CD200R1: variants seen among roughly 807,000 people sequenced by gnomAD.
The protein encoded by CD200R1 is cell surface glycoprotein CD200 receptor 1.
CD200R1 carries 30 observed loss-of-function variants against 38.1 expected under a neutral mutation model. The ratio of observed to expected loss-of-function variants is 0.79; its 90% CI spans 0.59 to 1.07. The LOEUF is 1.07. Among genes scored for constraint, CD200R1 ranks in the 50% least tolerant of loss-of-function variants. The pLI, the probability that CD200R1 is intolerant of heterozygous loss-of-function variation, is 0.00. For synonymous variants in CD200R1, 128 were observed against 152.1 expected, an observed-to-expected ratio of 0.84 and a Z score of 1.16; for missense variants, 372 against 415.4, an observed-to-expected ratio of 0.90 and a Z score of 0.91.
At chr3:112,974,767 C>T (rs1282931287) in intron 1 of CD200R1, 24 bp downstream of exon 1, 45 of 1,518,084 alleles carry the variant, frequency 3.0e-5, no homozygotes, top group Non-Finnish European at 3.9e-5. Context: ...TCTCACTGTT[C>T]TCCCAAAGAG....
chr3:112,970,068 C>A (rs1933264522), intron 1 of CD200R1, among the ~76,000 whole-genome samples: 1 of 151,958 alleles, frequency 6.6e-6, no homozygotes, highest in Non-Finnish European at 1.5e-5. Context: ...GTCCCAGCTA[C>A]TTGGGAGTCT....
intron 2 of CD200R1, among the ~76,000 whole-genome samples, chr3:112,945,901 G>A (rs1940840531): frequency 6.6e-6 from 1 of 151,916 alleles, no homozygotes; most frequent in South Asian, 2.1e-4. Context: ...GGTAGCTGGC[G>A]CCTGTAGTCC....
chr3:112,931,595 T>A (rs896431728), intron 2 of CD200R1, among the ~76,000 whole-genome samples: 1 of 152,180 alleles, frequency 6.6e-6, no homozygotes, highest in Non-Finnish European at 1.5e-5. Flanking sequence ...AATACAGCAG[T>A]GCCCTTTCTC....
intron 3 of CD200R1, 127 bp downstream of exon 3, chr3:112,930,979 G>A: frequency 1.5e-6 from 1 of 675,182 alleles, no homozygotes; most frequent in Non-Finnish European, 2.7e-6. Flanking sequence ...TCATACCACA[G>A]TACTCAGATC....
chr3:112,963,994 G>A (rs754345814), intron 1 of CD200R1, among the ~76,000 whole-genome samples: 1 of 152,206 alleles, frequency 6.6e-6, no homozygotes, highest in Non-Finnish European at 1.5e-5. Flanking sequence ...TACAGCTCAG[G>A]CCATGGCTTC....
At chr3:112,931,249 C>T in intron 2 of CD200R1, 78 bp from the exon 3 acceptor site, 1 of 849,246 alleles carries the variant, frequency 1.2e-6, no homozygotes. Context: ...TCCACAAAGT[C>T]TTATCCAACA....
intron 2 of CD200R1, among the ~76,000 whole-genome samples, chr3:112,947,644 C>T (rs1227354807): frequency 6.6e-6 from 1 of 151,922 alleles, no homozygotes; most frequent in Non-Finnish European, 1.5e-5. Context: ...TTTGAATAGG[C>T]CATTGGTTTT....
chr3:112,929,602 C>T lies in CD200R1; in HGVS notation c.203-95G>A, dbSNP rs963735600. The T allele has an allele frequency of 3.5e-6, 4 of 1,145,086 alleles. No individual in the cohort carries two copies. In the African/African-American group the frequency reaches 6.3e-5, roughly 18 times the overall value. 70.9% of individuals were successfully genotyped at this position (1,145,086 alleles called of 1,614,324 possible). On this transcript the variant is annotated intron_variant, in intron 3 of 7. Transcript: ENST00000308611. ...CATATGAAGTTACACTAGAACATAA[C>T]TTTGTTGGTGATCTTATTCCAAAAA...
Position 112,923,524 on chromosome 3 carries a change from A to G in CD200R1, c.*153T>C. On this transcript the variant is annotated 3_prime_UTR_variant, in exon 8 of 8. Coordinates refer to ENST00000308611, the MANE Select transcript of CD200R1 (RefSeq NM_138806.4). The stretch of plus-strand genomic sequence containing the variant: ...TAAGAATCAAAAATTCCAATTATAC[A>G]AGGGTATGAATGAGAATCCATTAAA... The G allele has an allele frequency of 2.2e-6, 1 of 462,866 alleles. No individual in the cohort carries two copies. Among genetic ancestry groups the G allele is most frequent in the Admixed American group, 4.1e-5 (1 of 24,682 alleles). The allele number at this position is 462,866 out of a possible 1,614,324, so 28.7% of individuals were successfully genotyped here. A position where few individuals can be genotyped will look rare whatever the true frequency, so the allele number is the denominator to read the frequency against.
chr3:112,934,933 T>A (rs1940541902), intron 2 of CD200R1, among the ~76,000 whole-genome samples: 1 of 151,734 alleles, frequency 6.6e-6, no homozygotes, highest in Non-Finnish European at 1.5e-5. Context: ...AGAATCCAAA[T>A]ACAAGCAGGA....
At chr3:112,924,452 G>T in intron 7 of CD200R1, 38 bp downstream of exon 7, 1 of 1,280,790 alleles carries the variant, frequency 7.8e-7, no homozygotes, top group Non-Finnish European at 1.0e-6. Flanking sequence ...CAGACTATTG[G>T]CTTAAGTTTG....
chr3:112,959,824 A>T (rs193170716), intron 1 of CD200R1, among the ~76,000 whole-genome samples: 98 of 152,180 alleles, frequency 6.4e-4, no homozygotes, highest in African/African-American at 2.3e-3. Context: ...TGCATGGATT[A>T]AGCATTAAAC....
intron 1 of CD200R1, among the ~76,000 whole-genome samples, chr3:112,954,196 G>T (rs1941034691): frequency 6.6e-6 from 1 of 152,018 alleles, no homozygotes; most frequent in African/African-American, 2.4e-5. Flanking sequence ...TGGTTGTTCA[G>T]GAGTATGTTG....
At chr3:112,954,908 A>C (rs1023236350) in intron 1 of CD200R1, among the ~76,000 whole-genome samples, 1 of 152,236 alleles carries the variant, frequency 6.6e-6, no homozygotes, top group Admixed American at 6.5e-5. Flanking sequence ...ATAGCCAGTC[A>C]GTCAGAAGCA....
rs376207578 is a variant in CD200R1, at chr3:112,929,186, T to C, written c.520+4A>G. 2.5e-6 allele frequency: 4 copies of C among 1,614,048 alleles called. No homozygotes were observed. In the African/African-American group the frequency reaches 5.3e-5, roughly 22 times the overall value. ...GAAATACCTCAATATATGATGCTCCTTACCTAACACTTGGAGGTGATATCC... is the reference window on the plus strand; with the variant it reads ...GAAATACCTCAATATATGATGCTCCCTACCTAACACTTGGAGGTGATATCC... On this transcript the variant is annotated splice_donor_region_variant and intron_variant, in intron 4 of 7. Coordinates refer to ENST00000308611, the MANE Select transcript of CD200R1 (RefSeq NM_138806.4).
At chr3:112,947,223 C>G (rs570470376) in intron 2 of CD200R1, among the ~76,000 whole-genome samples, 1 of 152,182 alleles carries the variant, frequency 6.6e-6, no homozygotes, top group South Asian at 2.1e-4. Flanking sequence ...ATGCATTTGC[C>G]TGAAAACATT....
At chr3:112,971,245 T>C (rs1456133642) in intron 1 of CD200R1, among the ~76,000 whole-genome samples, 1 of 152,166 alleles carries the variant, frequency 6.6e-6, no homozygotes, top group Non-Finnish European at 1.5e-5. Context: ...ACAATGTAAA[T>C]AATACATAAG....
rs145758442 is a variant in CD200R1 at position 112,974,879 on chromosome 3, C to T, written c.-22G>A. On this transcript the variant is annotated 5_prime_UTR_variant, in exon 1 of 8. Transcript: ENST00000308611. ...GCATTTCTGTTTTCTCTTTTTCTGC[C>T]CTTCACTCAGTACTTTTCCTCCACA... 397 of 1,603,234 alleles carry T rather than the reference C, an allele frequency of 2.5e-4. 2 individuals carry two copies. In the African/African-American group the frequency reaches 4.7e-3, roughly 19 times the overall value.
chr3:112,971,544 G>A (rs1374824928), intron 1 of CD200R1, among the ~76,000 whole-genome samples: 1 of 151,872 alleles, frequency 6.6e-6, no homozygotes, highest in Non-Finnish European at 1.5e-5. Flanking sequence ...AGAACCCCAG[G>A]GCAGAAGCTC....
Sources: gnomAD v4.1 joint callset for allele counts (sites outside exome capture counted in the v4.1 genomes callset) on GRCh38, gnomAD v4.1.1 for gene constraint, MANE v1.5 for transcripts, NCBI Gene and HGNC (gene_info 2026-07-23, HGNC 2026-07-21) for gene names.